Variants in FGFR2 observed in about 807,000 individuals in gnomAD.
FGFR2 encodes the protein fibroblast growth factor receptor 2.
FGFR2 carries 19 observed loss-of-function variants against 95.9 expected under a neutral mutation model. The observed-to-expected ratio is 0.20, with a 90% confidence interval of 0.14 to 0.29. FGFR2 has a LOEUF of 0.29. FGFR2 is among the 10% of genes least tolerant of loss of function. The probability of loss-of-function intolerance (pLI) is 1.00; values close to 1 mark genes in which losing one functional copy is unlikely to be tolerated. For missense variants in FGFR2, 707 were observed against 1,056.9 expected (o/e 0.67, Z 4.59); for synonymous variants, 392 against 393.3 (o/e 1.00, Z 0.04).
At chr10:121,524,133 CA>C (rs1850970841) in intron 6 of FGFR2, among the ~76,000 whole-genome samples, 2 of 149,394 alleles carry the variant, frequency 1.3e-5, no homozygotes, top group African/African-American at 4.9e-5. Flanking sequence ...CACACACACA[CA>C]CACACACACA....
chr10:121,562,681 A>G (rs1857157567), intron 4 of FGFR2, among the ~76,000 whole-genome samples: 1 of 152,238 alleles, frequency 6.6e-6, no homozygotes, highest in South Asian at 2.1e-4. Context: ...TCAAGCCATG[A>G]AAAGACATGA....
At chr10:121,596,625 G>A in intron 1 of FGFR2, 1 of 204,706 alleles carries the variant, frequency 4.9e-6, no homozygotes, top group East Asian at 7.4e-5. Context: ...TCAAGGCTAG[G>A]GGGAAATTCC....
intron 9 of FGFR2, among the ~76,000 whole-genome samples, chr10:121,510,778 A>ATTTATTTTATTTTATTTTAT (rs58544210): frequency 0.017 from 2,444 of 145,354 alleles, 87 homozygotes; most frequent in African/African-American, 0.057. Flanking sequence ...ACTGCCCTTG[A>ATTTATTTTATTTTATTTTAT]TTTATTTTAT....
rs886046766 is a variant in FGFR2, at chr10:121,597,976, C to T, written c.-165G>A. 1.1e-4 allele frequency: 44 copies of T among 393,974 alleles called. No homozygotes were observed. The highest frequency in any genetic ancestry group is 8.7e-4 in the African/African-American group (42 of 48,522). The allele number at this position is 393,974 out of a possible 1,614,324, so 24.4% of individuals were successfully genotyped here. The stretch of plus-strand genomic sequence containing the variant: ...GCGGCGATTACCTTGAATGGCAACG[C>T]TCCTCCGCGACCTGTGTTGTCCCCG... On this transcript the variant is annotated 5_prime_UTR_variant, in exon 1 of 18. Coordinates refer to ENST00000358487, the MANE Select transcript of FGFR2 (RefSeq NM_000141.5).
At chr10:121,553,976 T>C (rs1855754070) in intron 4 of FGFR2, among the ~76,000 whole-genome samples, 1 of 152,220 alleles carries the variant, frequency 6.6e-6, no homozygotes, top group Non-Finnish European at 1.5e-5. Context: ...CACCTTTGTC[T>C]TGGTGCCTCG....
In FGFR2 at chr10:121,485,993, AC is replaced by A. The variant is rs551014048; in HGVS notation, c.2058-462del. ...ACATCTGCTGCACAGAGGCTCTGGA[AC>A]TTACTAAGATCGCAAAGGCAATCAG... is the stretch of plus-strand genomic sequence containing the variant. On this transcript the variant is annotated intron_variant, in intron 15 of 17. Transcript: ENST00000358487. This position sits in a 1 kb window ranked among gnomAD's most constrained non-coding sequence, Gnocchi z 4.2. Among the ~76,000 whole-genome samples, 49 of 152,334 alleles carry A rather than the reference AC, an allele frequency of 3.2e-4. No individual in the cohort carries two copies. The highest frequency in any genetic ancestry group is 1.0e-3 in the African/African-American group (42 of 41,580).
chr10:121,483,835 C>T (rs1564851174), intron 16 of FGFR2, 32 bp from the exon 17 acceptor site: 1 of 1,508,938 alleles, frequency 6.6e-7, no homozygotes, highest in Non-Finnish European at 9.2e-7. Context: ...GAATTAATTT[C>T]ATATGCACTG....
Position 121,488,436 on chromosome 10 carries a change from G to C in FGFR2, c.1864-323C>G, listed in dbSNP as rs142410616. The stretch of plus-strand genomic sequence containing the variant: ...TGCACCTGTAGTCCCAGCTACTCAG[G>C]AGGCTGAGGCACAAGAATCACTTGA... On this transcript the variant is annotated intron_variant, in intron 13 of 17. Transcript: ENST00000358487. 9.2e-5 allele frequency among the ~76,000 whole-genome samples: 14 copies of C among 151,472 alleles called. No individual in the cohort carries two copies. In the East Asian group the frequency reaches 2.7e-3, roughly 30 times the overall value.
chr10:121,594,805 T>G (rs997024971), intron 1 of FGFR2, among the ~76,000 whole-genome samples: 3 of 152,228 alleles, frequency 2.0e-5, no homozygotes, highest in Non-Finnish European at 4.4e-5. Flanking sequence ...AGGAATTTAT[T>G]AATAATGATG....
At chr10:121,547,486 C>T (rs1407991026) in intron 5 of FGFR2, among the ~76,000 whole-genome samples, 2 of 151,736 alleles carry the variant, frequency 1.3e-5, no homozygotes, top group Admixed American at 1.3e-4. Context: ...CCCCAAACTC[C>T]TGGGCTCAAG....
intron 9 of FGFR2, among the ~76,000 whole-genome samples, chr10:121,510,864 C>T (rs1040969440): frequency 2.6e-5 from 4 of 151,494 alleles, no homozygotes; most frequent in South Asian, 2.1e-4. Flanking sequence ...TGCAGTGGCG[C>T]GATCTCAGCT....
chr10:121,542,503 C>T lies in FGFR2; in HGVS notation c.625-3788G>A, dbSNP rs41295467. Among the ~76,000 whole-genome samples the T allele has an allele frequency of 5.4e-4, 82 of 152,322 alleles. No individual in the cohort carries two copies. In the East Asian group the frequency reaches 0.015, roughly 27 times the overall value. On this transcript the variant is annotated intron_variant, in intron 5 of 17. Transcript: ENST00000358487. ...AAAGCCAGTGAGAGAAGAAATTCTG[C>T]ACCAACCAACACAAGCACGACTCTT...
chr10:121,491,061 C>T (rs569583150), intron 13 of FGFR2, among the ~76,000 whole-genome samples: 5 of 152,298 alleles, frequency 3.3e-5, no homozygotes, highest in African/African-American at 9.6e-5. Context: ...TGCCGACACG[C>T]GCTCTGTGTG....
chr10:121,558,616 T>G (rs935396563), intron 4 of FGFR2, among the ~76,000 whole-genome samples: 4 of 151,880 alleles, frequency 2.6e-5, no homozygotes, highest in South Asian at 2.1e-4. Flanking sequence ...TTTTGTTTTT[T>G]TTTTTTTTTG....
intron 6 of FGFR2, among the ~76,000 whole-genome samples, chr10:121,528,796 G>T (rs574082469): frequency 6.6e-6 from 1 of 152,138 alleles, no homozygotes; most frequent in Admixed American, 6.5e-5. Context: ...CAATCCAAAC[G>T]CCACTGCTCT....
At chr10:121,568,331 C>A (rs1858015448) in intron 2 of FGFR2, among the ~76,000 whole-genome samples, 1 of 152,216 alleles carries the variant, frequency 6.6e-6, no homozygotes, top group Non-Finnish European at 1.5e-5. Context: ...TGAAACAGCA[C>A]CCACCATGTT....
At chr10:121,487,330 G>C (rs1222414429) in intron 15 of FGFR2, 24 bp downstream of exon 15, 5 of 1,597,640 alleles carry the variant, frequency 3.1e-6, no homozygotes, top group Non-Finnish European at 4.3e-6. Context: ...CCAGGAAAAA[G>C]CCAGAGAAAA....
chr10:121,502,533 G>A lies in FGFR2; in HGVS notation c.1439+1257C>T, dbSNP rs533700791. Among the ~76,000 whole-genome samples the A allele has an allele frequency of 2.6e-5, 4 of 152,270 alleles. No homozygotes were observed. In the South Asian group the frequency reaches 6.2e-4, roughly 24 times the overall value. ...GGAAACAAAACTGATGTGACATCAC[G>A]TGAATCAAAATCAGAAGTGCCAGCC... On this transcript the variant is annotated intron_variant, in intron 10 of 17. Coordinates refer to ENST00000358487, the MANE Select transcript of FGFR2 (RefSeq NM_000141.5).
At chr10:121,534,895 T>C (rs1036374995) in intron 6 of FGFR2, among the ~76,000 whole-genome samples, 1 of 152,172 alleles carries the variant, frequency 6.6e-6, no homozygotes, top group Non-Finnish European at 1.5e-5. Flanking sequence ...AGCTGAAGGG[T>C]GACCTTTGAG....
Sources: allele counts gnomAD v4.1 joint callset (sites outside exome capture counted in the v4.1 genomes callset), GRCh38; gene constraint gnomAD v4.1.1; non-coding constraint Gnocchi (gnomAD v3.1); transcripts MANE v1.5; gene names NCBI Gene and HGNC (gene_info 2026-07-23, HGNC 2026-07-21).